The following TTLL12 variants were observed in gnomAD, a reference collection of about 807,000 sequenced individuals.
TTLL12 encodes tubulin--tyrosine ligase-like protein 12.
In TTLL12, 77 loss-of-function variants were observed where a neutral mutation model predicts 79.6. The ratio of observed to expected loss-of-function variants is 0.97; its 90% CI spans 0.81 to 1.17. The LOEUF (loss-of-function observed/expected upper bound fraction) is 1.17, where lower values mean the gene tolerates loss of function less well. TTLL12 is among the 50% of genes most tolerant of loss of function. The pLI, the probability that TTLL12 is intolerant of heterozygous loss-of-function variation, is 0.00. For missense variants in TTLL12, 969 were observed against 895.9 expected (o/e 1.08, Z -1.04); for synonymous variants, 437 against 376.1 (o/e 1.16, Z -1.87).
chr22:43,183,096 C>G lies in TTLL12; in HGVS notation c.231G>C (p.Glu77Asp). The G allele has an allele frequency of 1.9e-6, 3 of 1,614,004 alleles. No individual in the cohort carries two copies. The highest frequency in any genetic ancestry group is 1.1e-5 in the South Asian group (1 of 91,080). The change falls in exon 2 of 14, where the codon GAG (glutamate) becomes GAC (aspartate). Residue 77 changes from glutamate (E) to aspartate (D), a missense_variant. By Grantham distance (45) the Glu-to-Asp change is conservative. Transcript: ENST00000216129. ...CCTCCCGGGCTGCCTCGTCCTCCTC[C>G]TCTTCTACCTCCTCCACTTGCATGA... Reference protein sequence around the residue: ...FGIMQVEEVEEEEDEAAREVR... With the variant: ...FGIMQVEEVEDEEDEAAREVR...
At chr22:43,176,465 C>T (rs1931915722) in intron 5 of TTLL12, 69 bp from the exon 6 acceptor site, 2 of 1,300,202 alleles carry the variant, frequency 1.5e-6, no homozygotes, top group Non-Finnish European at 2.2e-6. Flanking sequence ...CGTGGTGGCT[C>T]ATGTCCATAA....
rs138773926 is a variant in TTLL12, at chr22:43,168,090, T to A, written c.1853A>T (p.Tyr618Phe). 6.2e-7 allele frequency: 1 copy of A among 1,614,150 alleles called. No homozygotes were observed. Among genetic ancestry groups the A allele is most frequent in the South Asian group, 1.1e-5 (1 of 91,088 alleles). ...FNPDCERACR[Y>F]HPTFFNDVFS... ...GACGTCGTTGAAGAAGGTGGGGTGG[T>A]ACCTGCAGGCTCGCTCACAGTCGGG... is the stretch of plus-strand genomic sequence containing the variant. The change falls in exon 14 of 14, where the codon TAC becomes TTC. Residue 618 changes from tyrosine to phenylalanine, a missense_variant. By Grantham distance (22) the Tyr-to-Phe change is conservative. Coordinates refer to ENST00000216129, the MANE Select transcript of TTLL12 (RefSeq NM_015140.4).
Position 43,167,879 on chromosome 22 carries a change from A to G in TTLL12, c.*129T>C, listed in dbSNP as rs1931658256. 1 of 1,233,848 alleles carries G rather than the reference A, an allele frequency of 8.1e-7. No individual in the cohort carries two copies. The highest frequency in any genetic ancestry group is 2.4e-5 in the East Asian group (1 of 42,308). 76.4% of individuals were successfully genotyped at this position (1,233,848 alleles called of 1,614,324 possible). On this transcript the variant is annotated 3_prime_UTR_variant, in exon 14 of 14. Transcript: ENST00000216129. The stretch of plus-strand genomic sequence containing the variant: ...GGCGCCGGGAGGATGGCTCGGCAGG[A>G]CAGAGGCCTGGGGCTGAGGCTATGC...
chr22:43,173,972 G>A (rs1011938060), intron 8 of TTLL12, 146 bp from the exon 9 acceptor site: 75 of 931,016 alleles, frequency 8.1e-5, no homozygotes, highest in Admixed American at 1.6e-4. Flanking sequence ...CAGGGGCATG[G>A]GAAACAAGGA....
chr22:43,169,175 A>C (rs1433137653), intron 12 of TTLL12, among the ~76,000 whole-genome samples: 1 of 152,182 alleles, frequency 6.6e-6, no homozygotes, highest in Non-Finnish European at 1.5e-5. Context: ...AGCACCCAGA[A>C]TGCCGCTGCT....
chr22:43,176,469 T>C (rs1423900841), intron 5 of TTLL12, 73 bp from the exon 6 acceptor site: 6 of 1,252,990 alleles, frequency 4.8e-6, no homozygotes, highest in East Asian at 2.4e-5. Flanking sequence ...GTGGCTCATG[T>C]CCATAATCCC....
chr22:43,186,668 C>A (rs969236505), intron 1 of TTLL12, among the ~76,000 whole-genome samples: 1 of 152,178 alleles, frequency 6.6e-6, no homozygotes, highest in Non-Finnish European at 1.5e-5. Flanking sequence ...CAACGCAGCC[C>A]TCAGCCGGTC....
intron 1 of TTLL12, among the ~76,000 whole-genome samples, chr22:43,186,602 G>A (rs1932191134): frequency 6.6e-6 from 1 of 152,204 alleles, no homozygotes; most frequent in Admixed American, 6.5e-5. Flanking sequence ...GGGGTGATGA[G>A]TTTCACTCCT....
At position 43,176,557 on chromosome 22, in the gene TTLL12, C is replaced by T. The variant is rs376303337; in HGVS notation, c.841-161G>A. On this transcript the variant is annotated intron_variant, in intron 5 of 13. Transcript: ENST00000216129. Reference sequence around the variant, plus strand: ...CCAGCCTGGCCAACATGGCAAAATCCCCACTCTACTAAGAATATAAAAATT... The same window carrying T: ...CCAGCCTGGCCAACATGGCAAAATCTCCACTCTACTAAGAATATAAAAATT... 9.9e-5 allele frequency among the ~76,000 whole-genome samples: 15 copies of T among 151,982 alleles called. No individual in the cohort carries two copies. The South Asian group carries it at 2.9e-3, about 30-fold the overall frequency.
chr22:43,169,935 TCAGTA>T, intron 11 of TTLL12: 1 of 461,388 alleles, frequency 2.2e-6, no homozygotes, highest in Admixed American at 2.3e-5. Context: ...CACACTCAGC[TCAGTA>T]CAGTGCGAAG....
At chr22:43,182,155 G>C (rs938954528) in intron 2 of TTLL12, among the ~76,000 whole-genome samples, 1 of 150,840 alleles carries the variant, frequency 6.6e-6, no homozygotes, top group Non-Finnish European at 1.5e-5. Flanking sequence ...AGGCCCGAGA[G>C]AGAACATGAG....
chr22:43,179,039 C>G (rs1359043470), intron 5 of TTLL12, among the ~76,000 whole-genome samples: 2 of 152,140 alleles, frequency 1.3e-5, no homozygotes, highest in African/African-American at 2.4e-5. Flanking sequence ...CTCCCACAGG[C>G]TCCTCTTCCT....
At position 43,168,797 on chromosome 22, in the gene TTLL12, A is replaced by G. The variant is rs1400601624; in HGVS notation, c.1760T>C (p.Leu587Pro). Residue 587 changes from leucine (L) to proline (P), a missense_variant, in exon 13 of 14, where the codon CTG (leucine) becomes CCG (proline). Physicochemically the swap from Leu to Pro is moderately conservative, Grantham distance 98 (BLOSUM62 -3). Coordinates refer to ENST00000216129, the MANE Select transcript of TTLL12 (RefSeq NM_015140.4). ...ACCATCTGGGCCGTTGTCCCACTTC[A>G]GCATGAGGTCGACGGCATACATGGC... ...SRAMYAVDLM[L>P]KWDNGPDGRR... The G allele has an allele frequency of 6.4e-7, 1 of 1,569,038 alleles. No homozygotes were observed. The highest frequency in any genetic ancestry group is 1.9e-5 in the Admixed American group (1 of 52,668).
intron 6 of TTLL12, among the ~76,000 whole-genome samples, chr22:43,176,057 C>A (rs1468550595): frequency 2.6e-5 from 4 of 151,152 alleles, no homozygotes; most frequent in Non-Finnish European, 5.9e-5. Flanking sequence ...TGCACTCCAG[C>A]CTGGGTGACA....
intron 11 of TTLL12, among the ~76,000 whole-genome samples, chr22:43,171,204 C>T (rs2147067068): frequency 6.6e-6 from 1 of 152,364 alleles, no homozygotes; most frequent in South Asian, 2.1e-4. Flanking sequence ...AGCTGGCCTC[C>T]TGCTTCTGTG....
Position 43,176,706 on chromosome 22 carries a change from G to A in TTLL12, c.841-310C>T, listed in dbSNP as rs377241535. Among the ~76,000 whole-genome samples, 145 of 146,832 alleles carry A rather than the reference G, an allele frequency of 9.9e-4. 1 individual carries two copies. Among genetic ancestry groups the A allele is most frequent in the African/African-American group, 3.6e-3 (142 of 39,060 alleles). On this transcript the variant is annotated intron_variant, in intron 5 of 13. Transcript: ENST00000216129. ...GATTGCGCCACTGCACTCCAGCCTG[G>A]GAGAGAGTGTGAGACTACATCTCAA...
In TTLL12 at chr22:43,168,930, T is replaced by A; in HGVS notation, c.1645-18A>T. 6.2e-7 allele frequency: 1 copy of A among 1,604,172 alleles called. No individual in the cohort carries two copies. The highest frequency in any genetic ancestry group is 1.1e-5 in the South Asian group (1 of 90,066). On this transcript the variant is annotated intron_variant, in intron 12 of 13. Coordinates refer to ENST00000216129, the MANE Select transcript of TTLL12 (RefSeq NM_015140.4). ...ATCTCAGCCTGGGGACCGGGGAGCC[T>A]GAGTTACGAGGCCTGCTCAGAACAG...
intron 10 of TTLL12, among the ~76,000 whole-genome samples, chr22:43,172,176 T>C (rs1296545928): frequency 1.3e-5 from 2 of 152,168 alleles, no homozygotes; most frequent in South Asian, 2.1e-4. Context: ...TTACAAAGAA[T>C]GTTCACATCC....
rs140875180 is a variant in TTLL12, at chr22:43,176,372, T to G, written c.865A>C (p.Lys289Gln). 883 of 1,605,552 alleles carry G rather than the reference T, an allele frequency of 5.5e-4. No homozygotes were observed. Among genetic ancestry groups the G allele is most frequent in the Non-Finnish European group, 7.1e-4 (840 of 1,177,190 alleles). Residue 289 changes from lysine (K) to glutamine (Q), a missense_variant, in exon 6 of 14, where the codon AAG becomes CAG. By Grantham distance (53) the Lys-to-Gln change is moderately conservative. Coordinates refer to ENST00000216129, the MANE Select transcript of TTLL12 (RefSeq NM_015140.4). ...YQAILEENKE[K>Q]LPLDINPVVH... is the part of the protein sequence containing the mutation. ...ACGGGGTTGATGTCAAGTGGCAGCT[T>G]CTCCTTGTTTTCCTCCAGAATGGCC...
Sources: gnomAD v4.1 joint callset for allele counts (sites outside exome capture counted in the v4.1 genomes callset) on GRCh38, gnomAD v4.1.1 for gene constraint, MANE v1.5 for transcripts, NCBI Gene and HGNC (gene_info 2026-07-23, HGNC 2026-07-21) for gene names.